Variants in SVIL observed in about 807,000 individuals in gnomAD.
SVIL encodes the protein archvillin.
A neutral mutation model predicts 240.4 loss-of-function variants in SVIL; 101 were observed. The observed-to-expected ratio is 0.42, with a 90% CI of 0.36 to 0.50. SVIL has a LOEUF of 0.50. Ranked by LOEUF, SVIL falls within the 20% of genes least tolerant of loss-of-function variation. The pLI is 0.01. For synonymous variants in SVIL, 999 were observed against 1,100.0 expected, an observed-to-expected ratio of 0.91 and a Z score of 1.82; for missense variants, 2,512 against 2,818.7, an observed-to-expected ratio of 0.89 and a Z score of 2.46.
intron 6 of SVIL, among the ~76,000 whole-genome samples, chr10:29,543,916 G>A (rs1952393863): frequency 6.6e-6 from 1 of 152,218 alleles, no homozygotes; most frequent in South Asian, 2.1e-4. Flanking sequence ...GGACCAGAAT[G>A]AGGAAGTGGT....
chr10:29,559,959 T>C (rs977758219), intron 3 of SVIL, among the ~76,000 whole-genome samples: 5 of 152,224 alleles, frequency 3.3e-5, no homozygotes, highest in Admixed American at 6.5e-5. Flanking sequence ...GTTTCTTCCA[T>C]TAGCTCTAAG....
Position 29,480,813 on chromosome 10 carries a change from C to T in SVIL, c.5101G>A (p.Glu1701Lys), listed in dbSNP as rs1946749443. Residue 1701 changes from glutamate (E) to lysine (K), a missense_variant and splice_region_variant, in exon 29 of 38, where the codon GAA becomes AAA. By Grantham distance (56) the Glu-to-Lys change is moderately conservative. Coordinates refer to ENST00000355867, the MANE Select transcript of SVIL (RefSeq NM_021738.3). ...KNPGELAQHK[E>K]DPRTDVKAYD... ...GCCTTGACATCAGTCCTGGGGTCTT[C>T]CTACAGGGGAACACAAAGACATCAG... 1 of 1,601,058 alleles carries T rather than the reference C, an allele frequency of 6.2e-7. No homozygotes were observed. The highest frequency in any genetic ancestry group is 8.5e-7 in the Non-Finnish European group (1 of 1,173,818).
At chr10:29,663,296 A>T (rs1959179081) in intron 2 of SVIL, among the ~76,000 whole-genome samples, 1 of 152,248 alleles carries the variant, frequency 6.6e-6, no homozygotes, top group African/African-American at 2.4e-5. Flanking sequence ...GTAAGTAAAC[A>T]TCGGTAGTTT....
intron 2 of SVIL, among the ~76,000 whole-genome samples, chr10:29,669,901 T>C (rs1959635164): frequency 6.6e-6 from 1 of 152,024 alleles, no homozygotes; most frequent in South Asian, 2.1e-4. Flanking sequence ...ATCACTTTAG[T>C]CCAAGAGTTC....
At chr10:29,550,575 T>C (rs1589219472) in intron 6 of SVIL, 22 bp downstream of exon 6, 2 of 1,577,810 alleles carry the variant, frequency 1.3e-6, no homozygotes, top group African/African-American at 1.3e-5. Context: ...TTCAGGGTGC[T>C]TAGCGTGGAC....
intron 6 of SVIL, among the ~76,000 whole-genome samples, chr10:29,546,204 A>G (rs1477634281): frequency 1.3e-5 from 2 of 152,240 alleles, no homozygotes; most frequent in East Asian, 3.8e-4. Context: ...TAAAACTCAC[A>G]GTGGTGGAAT....
upstream of SVIL, among the ~76,000 whole-genome samples, chr10:29,635,578 C>T (rs1327787318): frequency 6.6e-6 from 1 of 152,160 alleles, no homozygotes; most frequent in Admixed American, 6.5e-5. Flanking sequence ...TCAGGTAGCT[C>T]ACCTCACTGA....
At chr10:29,537,999 TTTG>T (rs1951859269) in intron 6 of SVIL, among the ~76,000 whole-genome samples, 1 of 152,148 alleles carries the variant, frequency 6.6e-6, no homozygotes, top group East Asian at 1.9e-4. Flanking sequence ...ATGGGAAGAG[TTTG>T]GCGCATCGCC....
intron 3 of SVIL, among the ~76,000 whole-genome samples, chr10:29,651,383 C>T (rs1958830260): frequency 6.6e-6 from 1 of 152,208 alleles, no homozygotes; most frequent in Non-Finnish European, 1.5e-5. Flanking sequence ...CCATTCGGAT[C>T]TGGAGTTTCC....
At chr10:29,461,206 C>T (rs1391609397) in intron 36 of SVIL, among the ~76,000 whole-genome samples, 1 of 152,202 alleles carries the variant, frequency 6.6e-6, no homozygotes, top group Non-Finnish European at 1.5e-5. Context: ...CTGGACTGAA[C>T]CCCTGGCAAT....
In SVIL at chr10:29,481,631, G is replaced by A; in HGVS notation, c.5053C>T (p.Leu1685=). The A allele has an allele frequency of 6.2e-7, 1 of 1,614,090 alleles. No homozygotes were observed. The highest frequency in any genetic ancestry group is 8.5e-7 in the Non-Finnish European group (1 of 1,180,032). The change falls in exon 28 of 38, where the codon CTG becomes TTG. Residue 1685 remains leucine, a synonymous_variant. Coordinates refer to ENST00000355867, the MANE Select transcript of SVIL (RefSeq NM_021738.3). ...GGGTTCTTCTCATTCGATCTCTTCA[G>A]TTCCGTCCAATCCAGAAACTTCTCT... is the stretch of plus-strand genomic sequence containing the variant. ...FKEKFLDWTE[L]KRSNEKNPGE...
chr10:29,732,845 G>T (rs1389406684), intron 1 of SVIL, among the ~76,000 whole-genome samples: 1 of 151,654 alleles, frequency 6.6e-6, no homozygotes, highest in Non-Finnish European at 1.5e-5. Flanking sequence ...CAGTTCATTT[G>T]GTTTGGGTTT....
intron 3 of SVIL, among the ~76,000 whole-genome samples, chr10:29,558,218 C>A (rs1421790859): frequency 1.3e-5 from 2 of 152,112 alleles, no homozygotes; most frequent in African/African-American, 4.8e-5. Flanking sequence ...CTATGCCAAG[C>A]CTATTGCTCC....
intron 1 of SVIL, among the ~76,000 whole-genome samples, chr10:29,713,003 C>A (rs771648281): frequency 2.5e-4 from 38 of 152,018 alleles, no homozygotes; most frequent in Non-Finnish European, 2.6e-4. Flanking sequence ...ATGGTGAAAC[C>A]CCGTCTCTAC....
chr10:29,465,116 G>A (rs766181867), intron 34 of SVIL, among the ~76,000 whole-genome samples: 44 of 152,236 alleles, frequency 2.9e-4, no homozygotes, highest in Non-Finnish European at 5.4e-4. Context: ...GATGTAAGCA[G>A]AAGTCTGCTG....
At chr10:29,562,040 C>CT (rs1298972968) in intron 3 of SVIL, among the ~76,000 whole-genome samples, 6 of 151,700 alleles carry the variant, frequency 4.0e-5, no homozygotes, top group Admixed American at 1.3e-4. Flanking sequence ...GTCAGTGGGA[C>CT]TTTTTTTTAC....
At chr10:29,657,431 C>T (rs1959038975) in intron 3 of SVIL, among the ~76,000 whole-genome samples, 1 of 152,200 alleles carries the variant, frequency 6.6e-6, no homozygotes. Context: ...TTTCCAAACG[C>T]ACTTAGGCAT....
At chr10:29,474,073 C>G (rs1455166553) in intron 29 of SVIL, 84 bp from the exon 30 acceptor site, 3 of 1,527,348 alleles carry the variant, frequency 2.0e-6, no homozygotes, top group Non-Finnish European at 2.6e-6. Flanking sequence ...TTCCCCGGGC[C>G]TGCAAGGACC....
At chr10:29,529,622 T>G in intron 12 of SVIL, 83 bp downstream of exon 12, 1 of 1,441,316 alleles carries the variant, frequency 6.9e-7, no homozygotes, top group Non-Finnish European at 9.1e-7. Flanking sequence ...CCCCAATGCC[T>G]CATTTTCATT....
Sources: gnomAD v4.1 joint callset for allele counts (sites outside exome capture counted in the v4.1 genomes callset) on GRCh38, gnomAD v4.1.1 for gene constraint, MANE v1.5 for transcripts, NCBI Gene and HGNC (gene_info 2026-07-23, HGNC 2026-07-21) for gene names.